LSAMP: variants seen among roughly 807,000 people sequenced by gnomAD.
LSAMP encodes the protein limbic system associated membrane protein, also known as limbic system-associated membrane protein.
In LSAMP, 7 loss-of-function variants were observed where a neutral mutation model predicts 38.6. The ratio of observed to expected loss-of-function variants is 0.18; its 90% CI spans 0.10 to 0.34. The LOEUF (loss-of-function observed/expected upper bound fraction) is 0.34. LSAMP is among the 10% of genes least tolerant of loss of function. The pLI is 1.00. For synonymous variants in LSAMP, 154 were observed against 166.8 expected (o/e 0.92, Z 0.59); for missense variants, 313 against 420.0 (o/e 0.75, Z 2.23).
At chr3:116,022,030 A>T (rs774647821) in intron 2 of LSAMP, among the ~76,000 whole-genome samples, 1 of 152,136 alleles carries the variant, frequency 6.6e-6, no homozygotes, top group Non-Finnish European at 1.5e-5. Flanking sequence ...GAGACTGGAG[A>T]TACAGAAAGT....
chr3:116,368,783 G>C (rs1299545281), intron 1 of LSAMP, among the ~76,000 whole-genome samples: 1 of 152,152 alleles, frequency 6.6e-6, no homozygotes, highest in Non-Finnish European at 1.5e-5. Flanking sequence ...TGTTATAATA[G>C]AGATCATATG....
At chr3:116,318,155 A>AAT (rs1491229712) in intron 1 of LSAMP, among the ~76,000 whole-genome samples, 1 of 148,604 alleles carries the variant, frequency 6.7e-6, no homozygotes, top group Non-Finnish European at 1.5e-5. Flanking sequence ...AAAAAAAAAA[A>AAT]TTTTAGTAAT....
intron 2 of LSAMP, among the ~76,000 whole-genome samples, chr3:116,044,503 T>C (rs1941247422): frequency 6.6e-6 from 1 of 152,034 alleles, no homozygotes; most frequent in Non-Finnish European, 1.5e-5. Context: ...AGTGTGATGT[T>C]TGTGTGTTCA....
intron 1 of LSAMP, among the ~76,000 whole-genome samples, chr3:116,392,411 G>A (rs1043038302): frequency 6.6e-6 from 1 of 152,216 alleles, no homozygotes; most frequent in Non-Finnish European, 1.5e-5. Flanking sequence ...AAGCCCAGGT[G>A]CTGCTGTCAC....
In LSAMP at chr3:116,070,736, A is replaced by C. The variant is rs187566319; in HGVS notation, c.388+15588T>G. Among the ~76,000 whole-genome samples the C allele has an allele frequency of 1.2e-4, 19 of 152,208 alleles. No homozygotes were observed. The East Asian group carries it at 3.7e-3, about 29-fold the overall frequency. On this transcript the variant is annotated intron_variant, in intron 2 of 6. Coordinates refer to ENST00000490035, the MANE Select transcript of LSAMP (RefSeq NM_002338.5). ...GTGCAGGCAGCATTATCTTTATGAT[A>C]TCTCTTTTAAAAATAATGTACCTGC...
chr3:116,339,720 G>A (rs1188628113), intron 1 of LSAMP, among the ~76,000 whole-genome samples: 1 of 151,998 alleles, frequency 6.6e-6, no homozygotes, highest in Non-Finnish European at 1.5e-5. Flanking sequence ...CACCAGATGA[G>A]AAGTCTGAGT....
intron 3 of LSAMP, among the ~76,000 whole-genome samples, chr3:115,929,691 T>C (rs1937549968): frequency 6.6e-6 from 1 of 152,084 alleles, no homozygotes; most frequent in Non-Finnish European, 1.5e-5. Context: ...GCTATAAAAT[T>C]CTAAATATAT....
intron 1 of LSAMP, among the ~76,000 whole-genome samples, chr3:116,285,690 C>T (rs1388347604): frequency 6.6e-6 from 1 of 152,196 alleles, no homozygotes; most frequent in Non-Finnish European, 1.5e-5. Flanking sequence ...TGCTTCCAAA[C>T]TGTGGCATTC....
chr3:116,414,008 G>A (rs1402067924), intron 1 of LSAMP, among the ~76,000 whole-genome samples: 1 of 151,974 alleles, frequency 6.6e-6, no homozygotes, highest in Non-Finnish European at 1.5e-5. Flanking sequence ...TTCTAAGAAG[G>A]TGGAAAAGGA....
At chr3:116,184,550 G>A (rs1015161956) in intron 1 of LSAMP, among the ~76,000 whole-genome samples, 2 of 151,834 alleles carry the variant, frequency 1.3e-5, no homozygotes, top group African/African-American at 4.8e-5. Context: ...CTGGGATTTG[G>A]GGGTATCTTT....
At chr3:116,019,489 A>G (rs764593254) in intron 3 of LSAMP, 26 bp downstream of exon 3, 2 of 1,608,638 alleles carry the variant, frequency 1.2e-6, no homozygotes, top group African/African-American at 2.7e-5. Context: ...AGCATGTGGC[A>G]TATTGGAACC....
intron 6 of LSAMP, among the ~76,000 whole-genome samples, chr3:115,827,469 G>A (rs1239982649): frequency 1.3e-5 from 2 of 151,882 alleles, no homozygotes; most frequent in Non-Finnish European, 2.9e-5. Context: ...TCTTTATTGC[G>A]AGTATGGGGC....
rs149742291 is a variant in LSAMP, at chr3:116,433,068, C to T, written c.155+11809G>A. On this transcript the variant is annotated intron_variant, in intron 1 of 6. Transcript: ENST00000490035. ...CAAATTGGCAACCATATGTGGCTTA[C>T]GTCTCACAAAATGAACAGCCCTAAC... 3.5e-3 allele frequency among the ~76,000 whole-genome samples: 534 copies of T among 152,218 alleles called. 3 individuals are homozygous for T. Among genetic ancestry groups the T allele is most frequent in the African/African-American group, 0.012 (501 of 41,530 alleles).
chr3:115,857,191 G>A lies in LSAMP; in HGVS notation c.515-4574C>T, dbSNP rs187621920. ...GCACGATACAATCTTAGCAAGTGCC[G>A]TTTCTTGTTTTAAGGCATGGAATAC... is the stretch of plus-strand genomic sequence containing the variant. On this transcript the variant is annotated intron_variant, in intron 3 of 6. Coordinates refer to ENST00000490035, the MANE Select transcript of LSAMP (RefSeq NM_002338.5). 4.9e-3 allele frequency among the ~76,000 whole-genome samples: 740 copies of A among 152,274 alleles called. 1 individual carries two copies. The highest frequency in any genetic ancestry group is 8.9e-3 in the South Asian group (43 of 4,828).
intron 1 of LSAMP, among the ~76,000 whole-genome samples, chr3:116,178,031 T>A (rs12488904): frequency 0.2 from 30,028 of 152,040 alleles, 3,029 homozygotes; most frequent in Admixed American, 0.24. Flanking sequence ...GAGAAAACAC[T>A]GAAAGCAGGG....
At chr3:116,164,703 T>A (rs28691611) in intron 1 of LSAMP, among the ~76,000 whole-genome samples, 70,813 of 91,448 alleles carry the variant, frequency 0.77, 27,885 homozygotes, top group East Asian at 0.89. Flanking sequence ...TATATATATA[T>A]AATCCAAATA....
chr3:115,993,945 T>C (rs1020416620), intron 3 of LSAMP, among the ~76,000 whole-genome samples: 6 of 152,174 alleles, frequency 3.9e-5, no homozygotes. Context: ...AGATGTCTTC[T>C]AGGTTTGAAC....
intron 3 of LSAMP, among the ~76,000 whole-genome samples, chr3:115,985,883 C>A (rs572352431): frequency 2.6e-5 from 4 of 152,248 alleles, no homozygotes; most frequent in Admixed American, 2.0e-4. Flanking sequence ...GCAGAGCCAC[C>A]CAGCTAAACT....
intron 2 of LSAMP, among the ~76,000 whole-genome samples, chr3:116,066,858 C>T (rs1707461515): frequency 6.6e-6 from 1 of 152,198 alleles, no homozygotes; most frequent in South Asian, 2.1e-4. Flanking sequence ...ACTCCTATTT[C>T]CTTTAAGCTA....
Sources: allele counts gnomAD v4.1 joint callset (sites outside exome capture counted in the v4.1 genomes callset), GRCh38; gene constraint gnomAD v4.1.1; transcripts MANE v1.5; gene names NCBI Gene and HGNC (gene_info 2026-07-23, HGNC 2026-07-21).